KIAA0825: variants seen among roughly 807,000 people sequenced by gnomAD.
The protein encoded by KIAA0825 is uncharacterized protein KIAA0825.
A neutral mutation model predicts 147.6 loss-of-function variants in KIAA0825; 119 were observed. The ratio of observed to expected loss-of-function variants is 0.81; its 90% CI spans 0.69 to 0.94. The LOEUF (loss-of-function observed/expected upper bound fraction) is 0.94. KIAA0825 is among the 40% of genes least tolerant of loss of function. The pLI is 0.00. For missense variants in KIAA0825, 1,381 were observed against 1,472.7 expected (o/e 0.94, Z 1.02); for synonymous variants, 470 against 518.1 (o/e 0.91, Z 1.26).
chr5:94,165,133 G>T (rs1455232316), intron 20 of KIAA0825, among the ~76,000 whole-genome samples: 1 of 152,050 alleles, frequency 6.6e-6, no homozygotes, highest in Non-Finnish European at 1.5e-5. Context: ...TTAATAATCA[G>T]AATATATAAG....
intron 20 of KIAA0825, among the ~76,000 whole-genome samples, chr5:94,171,374 T>C (rs139505537): frequency 5.3e-4 from 81 of 152,326 alleles, no homozygotes; most frequent in African/African-American, 1.9e-3. Flanking sequence ...AACCTCTTTT[T>C]CTTCCCAGTC....
intron 14 of KIAA0825, among the ~76,000 whole-genome samples, chr5:94,427,078 T>C (rs1380439650): frequency 6.6e-6 from 1 of 152,202 alleles, no homozygotes; most frequent in East Asian, 1.9e-4. Flanking sequence ...TGCCAGCCCC[T>C]GTTCATGAAT....
chr5:94,577,384 G>A (rs1467909685), intron 2 of KIAA0825, among the ~76,000 whole-genome samples: 1 of 152,190 alleles, frequency 6.6e-6, no homozygotes, highest in Non-Finnish European at 1.5e-5. Context: ...AAAAATGAAT[G>A]TGAAGTCAAC....
intron 20 of KIAA0825, among the ~76,000 whole-genome samples, chr5:94,206,993 T>C (rs910213110): frequency 6.6e-6 from 1 of 152,180 alleles, no homozygotes; most frequent in Admixed American, 6.5e-5. Context: ...CAAAACAGTA[T>C]CATTTTTAGT....
At chr5:94,539,724 T>C (rs1055258689) in intron 2 of KIAA0825, among the ~76,000 whole-genome samples, 1 of 152,028 alleles carries the variant, frequency 6.6e-6, no homozygotes, top group Admixed American at 6.6e-5. Context: ...TCCCTCTTAA[T>C]AAAAGGCAGG....
At chr5:94,301,525 T>C (rs1350729103) in intron 20 of KIAA0825, among the ~76,000 whole-genome samples, 1 of 152,076 alleles carries the variant, frequency 6.6e-6, no homozygotes, top group Non-Finnish European at 1.5e-5. Context: ...CTTGTGCCCT[T>C]GAGGAGATTT....
At chr5:94,212,586 C>A (rs1211645263) in intron 20 of KIAA0825, among the ~76,000 whole-genome samples, 1 of 152,170 alleles carries the variant, frequency 6.6e-6, no homozygotes, top group Non-Finnish European at 1.5e-5. Context: ...CACATTTACA[C>A]GGGATACCCT....
intron 20 of KIAA0825, among the ~76,000 whole-genome samples, chr5:94,340,966 A>G (rs1782308024): frequency 6.6e-6 from 1 of 152,204 alleles, no homozygotes; most frequent in Admixed American, 6.5e-5. Flanking sequence ...TTTACCTTCC[A>G]TTCTTTCTAA....
chr5:94,209,432 C>T (rs906167393), intron 20 of KIAA0825, among the ~76,000 whole-genome samples: 3 of 152,136 alleles, frequency 2.0e-5, no homozygotes, highest in African/African-American at 7.2e-5. Flanking sequence ...ACATCAAATG[C>T]TTTGCACATC....
chr5:94,295,372 C>T (rs1175502997), intron 20 of KIAA0825, among the ~76,000 whole-genome samples: 1 of 152,150 alleles, frequency 6.6e-6, no homozygotes, highest in South Asian at 2.1e-4. Context: ...GAACAAGCTC[C>T]TTTAGCTCAG....
At chr5:94,444,474 A>G (rs1757490386) in intron 13 of KIAA0825, among the ~76,000 whole-genome samples, 1 of 152,000 alleles carries the variant, frequency 6.6e-6, no homozygotes, top group Non-Finnish European at 1.5e-5. Context: ...ATGACTGGCA[A>G]TTATCACATT....
chr5:94,539,940 A>C (rs1202053275), intron 2 of KIAA0825, among the ~76,000 whole-genome samples: 1 of 152,156 alleles, frequency 6.6e-6, no homozygotes, highest in African/African-American at 2.4e-5. Context: ...AGGCATGTAC[A>C]GGATCACAGG....
In KIAA0825 at chr5:94,520,357, C is replaced by T. The variant is rs76005206; in HGVS notation, c.861G>A (p.Met287Ile). Reference protein sequence around the residue: ...ETYLDTVTEEMAKFLENFCEL... With the variant: ...ETYLDTVTEEIAKFLENFCEL... Reference sequence around the variant, plus strand: ...CACAAAAATTTTCAAGAAATTTTGCCATTTCTTCTGTAACAGTATCCAGGT... The same window carrying T: ...CACAAAAATTTTCAAGAAATTTTGCTATTTCTTCTGTAACAGTATCCAGGT... The change falls in exon 5 of 21, where the codon ATG (methionine) becomes ATA (isoleucine). Residue 287 changes from methionine (M) to isoleucine (I), a missense_variant. Coordinates refer to ENST00000682413, the MANE Select transcript of KIAA0825 (RefSeq NM_001145678.3). 9.8e-4 allele frequency: 1,584 copies of T among 1,613,438 alleles called. 12 individuals carry two copies. In the East Asian group the frequency reaches 0.017, roughly 17 times the overall value.
chr5:94,605,432 T>C (rs977416692), intron 1 of KIAA0825, among the ~76,000 whole-genome samples: 1 of 152,156 alleles, frequency 6.6e-6, no homozygotes, highest in African/African-American at 2.4e-5. Context: ...AGCATCATCC[T>C]GATACCAAAA....
intron 20 of KIAA0825, among the ~76,000 whole-genome samples, chr5:94,209,322 C>A (rs138801487): frequency 7.1e-4 from 108 of 152,252 alleles, no homozygotes; most frequent in Admixed American, 1.4e-3. Context: ...AGTCCAGATT[C>A]TAGAAATCTC....
At chr5:94,511,489 A>C (rs1023956757) in intron 5 of KIAA0825, among the ~76,000 whole-genome samples, 5 of 152,148 alleles carry the variant, frequency 3.3e-5, no homozygotes, top group Non-Finnish European at 5.9e-5. Context: ...ACGTGGTGGC[A>C]CATGCCTGTA....
chr5:94,340,475 T>A (rs1232836451), intron 20 of KIAA0825, among the ~76,000 whole-genome samples: 1 of 152,112 alleles, frequency 6.6e-6, no homozygotes, highest in Non-Finnish European at 1.5e-5. Context: ...TGAAGACAAA[T>A]TTTGGTTCAC....
At position 94,316,583 on chromosome 5, in the gene KIAA0825, G is replaced by A. The variant is rs549824210; in HGVS notation, c.3710+67785C>T. ...GGCCTCCTAAAGCTCTCTGGAAGGT[G>A]AGGACATACCTAGGAGGTCCAGGCA... On this transcript the variant is annotated intron_variant, in intron 20 of 20. Coordinates refer to ENST00000682413, the MANE Select transcript of KIAA0825 (RefSeq NM_001145678.3). 3.3e-5 allele frequency among the ~76,000 whole-genome samples: 5 copies of A among 151,710 alleles called. No individual in the cohort carries two copies. The South Asian group carries it at 8.3e-4, about 25-fold the overall frequency.
intron 6 of KIAA0825, among the ~76,000 whole-genome samples, chr5:94,479,570 G>C (rs1300674763): frequency 6.6e-6 from 1 of 152,036 alleles, no homozygotes; most frequent in Non-Finnish European, 1.5e-5. Flanking sequence ...TCCTGTGCAG[G>C]TTTTTGTACG....
Sources: gnomAD v4.1 joint callset for allele counts (sites outside exome capture counted in the v4.1 genomes callset) on GRCh38, gnomAD v4.1.1 for gene constraint, MANE v1.5 for transcripts, NCBI Gene and HGNC (gene_info 2026-07-23, HGNC 2026-07-21) for gene names.